The following ANKRD30B variants were observed in gnomAD, a reference collection of about 807,000 sequenced individuals.
ANKRD30B encodes ankyrin repeat domain 30B.
A neutral mutation model predicts 202.2 loss-of-function variants in ANKRD30B; 144 were observed. The ratio of observed to expected loss-of-function variants is 0.71; its 90% CI spans 0.62 to 0.82. ANKRD30B has a LOEUF of 0.82. ANKRD30B is among the 40% of genes least tolerant of loss of function. The pLI, the probability that ANKRD30B is intolerant of heterozygous loss-of-function variation, is 0.00. For synonymous variants in ANKRD30B, 508 were observed against 561.3 expected (o/e 0.91, Z 1.34); for missense variants, 1,487 against 1,669.1 (o/e 0.89, Z 1.90).
At chr18:14,793,286 G>A (rs868075096) in intron 16 of ANKRD30B, among the ~76,000 whole-genome samples, 4 of 152,042 alleles carry the variant, frequency 2.6e-5, no homozygotes, top group Non-Finnish European at 1.5e-5. Context: ...ACTCTCATCC[G>A]AACTGTGTAC....
the ANKRD30B span, among the ~76,000 whole-genome samples, chr18:14,885,427 TAC>T: frequency 6.6e-6 from 1 of 152,050 alleles, no homozygotes; most frequent in African/African-American, 2.4e-5. Flanking sequence ...CAACCACTAA[TAC>T]ATTATGGAGT....
At chr18:14,761,602 A>C (rs1405996081) in intron 6 of ANKRD30B, among the ~76,000 whole-genome samples, 1 of 152,230 alleles carries the variant, frequency 6.6e-6, no homozygotes, top group African/African-American at 2.4e-5. Context: ...GACTTTTACA[A>C]AACCTTCTGG....
the ANKRD30B span, among the ~76,000 whole-genome samples, chr18:14,921,798 T>C: frequency 6.6e-6 from 1 of 152,130 alleles, no homozygotes. Flanking sequence ...CTCTGCCTAT[T>C]TCTCACCACG....
the ANKRD30B span, among the ~76,000 whole-genome samples, chr18:14,922,654 CAAA>C: frequency 4.8e-5 from 5 of 104,878 alleles, no homozygotes; most frequent in Admixed American, 1.1e-4. Context: ...GACTCCGTCT[CAAA>C]AAAAAAAAAA....
intron 34 of ANKRD30B, among the ~76,000 whole-genome samples, chr18:14,835,356 C>T (rs547469670): frequency 2.6e-5 from 4 of 151,386 alleles, no homozygotes; most frequent in Non-Finnish European, 4.4e-5. Context: ...TAGAATCATA[C>T]GTAAGGGAAG....
chr18:14,868,114 C>CAGGT, the ANKRD30B span, among the ~76,000 whole-genome samples: 2 of 152,236 alleles, frequency 1.3e-5, no homozygotes, highest in African/African-American at 4.8e-5. Context: ...GGAGGGTGGG[C>CAGGT]AGGTGCATGG....
chr18:14,776,797 A>G (rs1967384427), intron 9 of ANKRD30B, among the ~76,000 whole-genome samples: 1 of 152,210 alleles, frequency 6.6e-6, no homozygotes, highest in Non-Finnish European at 1.5e-5. Context: ...AATAACATAA[A>G]TATAAGTTTT....
Position 14,848,763 on chromosome 18 carries a change from A to G in ANKRD30B, c.3229A>G (p.Arg1077Gly). 2 of 1,569,368 alleles carry G rather than the reference A, an allele frequency of 1.3e-6. No homozygotes were observed. Among genetic ancestry groups the G allele is most frequent in the Non-Finnish European group, 8.6e-7 (1 of 1,156,804 alleles). Residue 1077 changes from arginine (R) to glycine (G), a missense_variant, in exon 40 of 44, where the codon AGA becomes GGA. Physicochemically the swap from Arg to Gly is moderately radical, Grantham distance 125. Transcript: ENST00000690538. ...KILDALPSCE[R>G]GRELKKDNCE... ...CTTGGATGCACTTCCTTCTTGTGAA[A>G]GAGGAAGGGAACTTAAAAAAGATAA... is the stretch of plus-strand genomic sequence containing the variant.
chr18:14,876,074 A>G, the ANKRD30B span, among the ~76,000 whole-genome samples: 1 of 152,168 alleles, frequency 6.6e-6, no homozygotes, highest in South Asian at 2.1e-4. Flanking sequence ...TAATGTGCCT[A>G]AGCCTGGGTC....
the ANKRD30B span, among the ~76,000 whole-genome samples, chr18:14,876,554 T>C: frequency 6.6e-6 from 1 of 152,164 alleles, no homozygotes; most frequent in Non-Finnish European, 1.5e-5. Flanking sequence ...TGGGTTGTAT[T>C]AGAAAGATTA....
At chr18:14,906,636 A>C in the ANKRD30B span, among the ~76,000 whole-genome samples, 1 of 152,050 alleles carries the variant, frequency 6.6e-6, no homozygotes, top group Non-Finnish European at 1.5e-5. Flanking sequence ...TTGCACACAC[A>C]CTTCTCCAGC....
chr18:14,800,613 C>G (rs1200576307), intron 22 of ANKRD30B, among the ~76,000 whole-genome samples: 1 of 149,588 alleles, frequency 6.7e-6, no homozygotes, highest in African/African-American at 2.5e-5. Flanking sequence ...CGTGAGCCAC[C>G]GCGCCCGGCC....
intron 5 of ANKRD30B, chr18:14,759,048 G>A (rs1032811126): frequency 6.6e-6 from 1 of 152,096 alleles, no homozygotes; most frequent in African/African-American, 2.4e-5. Flanking sequence ...TTTACCTCGA[G>A]TTTTTAAAAT....
At chr18:14,868,802 G>A in the ANKRD30B span, among the ~76,000 whole-genome samples, 21 of 152,406 alleles carry the variant, frequency 1.4e-4, no homozygotes, top group Non-Finnish European at 2.4e-4. Flanking sequence ...AGGCTTCTCC[G>A]GCAGGCTGAT....
At chr18:14,821,095 A>G (rs1400271378) in intron 30 of ANKRD30B, among the ~76,000 whole-genome samples, 1 of 151,946 alleles carries the variant, frequency 6.6e-6, no homozygotes, top group East Asian at 1.9e-4. Context: ...GTCTTGGGAG[A>G]GTGTGTGTAT....
chr18:14,780,647 A>C (rs1967668692), intron 11 of ANKRD30B, among the ~76,000 whole-genome samples: 1 of 152,278 alleles, frequency 6.6e-6, no homozygotes, highest in Non-Finnish European at 1.5e-5. Flanking sequence ...CCTGTGGGCA[A>C]ATATATGATT....
At chr18:14,868,973 C>A in the ANKRD30B span, among the ~76,000 whole-genome samples, 1 of 146,796 alleles carries the variant, frequency 6.8e-6, no homozygotes, top group African/African-American at 2.5e-5. Flanking sequence ...GGCTAGTTTG[C>A]GTGGTGTGGT....
intron 15 of ANKRD30B, among the ~76,000 whole-genome samples, chr18:14,788,417 A>G (rs1357188028): frequency 2.0e-5 from 3 of 152,062 alleles, no homozygotes; most frequent in African/African-American, 7.2e-5. Context: ...ATTATACTTT[A>G]AGTTTTAGGG....
At chr18:14,921,144 G>C in the ANKRD30B span, among the ~76,000 whole-genome samples, 627 of 152,228 alleles carry the variant, frequency 4.1e-3, 5 homozygotes, top group Non-Finnish European at 6.6e-3. Flanking sequence ...GAGAGGGCAG[G>C]AGGCAAATGA....
Sources: gnomAD v4.1 joint callset for allele counts (sites outside exome capture counted in the v4.1 genomes callset) on GRCh38, gnomAD v4.1.1 for gene constraint, MANE v1.5 for transcripts, NCBI Gene and HGNC (gene_info 2026-07-23, HGNC 2026-07-21) for gene names.